The following KCNU1 variants were observed in gnomAD, a reference collection of about 807,000 sequenced individuals.
The protein encoded by KCNU1 is potassium channel subfamily U member 1.
A neutral mutation model predicts 126.8 loss-of-function variants in KCNU1; 93 were observed. That is an observed-to-expected ratio of 0.73 (90% CI 0.62 to 0.87). KCNU1 has a LOEUF of 0.87. KCNU1 is among the 40% of genes least tolerant of loss of function. The pLI is 0.00. For missense variants in KCNU1, 1,330 were observed against 1,367.1 expected, an observed-to-expected ratio of 0.97 and a Z score of 0.43; for synonymous variants, 523 against 494.2, an observed-to-expected ratio of 1.06 and a Z score of -0.77.
intron 2 of KCNU1, among the ~76,000 whole-genome samples, chr8:36,800,211 A>C (rs1053239166): frequency 2.0e-5 from 3 of 152,074 alleles, no homozygotes; most frequent in Admixed American, 1.3e-4. Context: ...GCACTTATCC[A>C]TGGTATGTTA....
intron 7 of KCNU1, among the ~76,000 whole-genome samples, chr8:36,813,349 G>A (rs1319954668): frequency 6.6e-6 from 1 of 151,810 alleles, no homozygotes; most frequent in African/African-American, 2.4e-5. Flanking sequence ...CCCCCAGTCA[G>A]ACATCTCTAA....
At chr8:36,793,017 T>C (rs973957061) in intron 2 of KCNU1, among the ~76,000 whole-genome samples, 1 of 152,150 alleles carries the variant, frequency 6.6e-6, no homozygotes, top group African/African-American at 2.4e-5. Flanking sequence ...TGGAATACTA[T>C]GCAGCCATAA....
At chr8:36,824,914 C>CT (rs1425994271) in intron 10 of KCNU1, among the ~76,000 whole-genome samples, 3 of 152,092 alleles carry the variant, frequency 2.0e-5, no homozygotes, top group Non-Finnish European at 4.4e-5. Flanking sequence ...CTCCCCTATA[C>CT]TTTGGCTATT....
chr8:36,887,255 A>T lies in KCNU1; in HGVS notation c.2010-18453A>T, dbSNP rs1319627012. Reference sequence around the variant, plus strand: ...TTCCATACAGATTGTACTAATTTACATTCCCACCAACCGTGTAGAAGCATT... The same window carrying T: ...TTCCATACAGATTGTACTAATTTACTTTCCCACCAACCGTGTAGAAGCATT... On this transcript the variant is annotated intron_variant, in intron 19 of 26. Coordinates refer to ENST00000399881, the MANE Select transcript of KCNU1 (RefSeq NM_001031836.3). Among the ~76,000 whole-genome samples, 4 of 152,158 alleles carry T rather than the reference A, an allele frequency of 2.6e-5. No homozygotes were observed. The South Asian group carries it at 8.3e-4, about 32-fold the overall frequency.
intron 7 of KCNU1, among the ~76,000 whole-genome samples, chr8:36,813,545 T>A (rs1332304797): frequency 4.0e-5 from 6 of 150,708 alleles, no homozygotes; most frequent in African/African-American, 1.2e-4. Flanking sequence ...TTATAAAAAA[T>A]TTATATATGA....
intron 23 of KCNU1, among the ~76,000 whole-genome samples, chr8:36,919,142 G>A (rs1357120389): frequency 6.6e-6 from 1 of 152,044 alleles, no homozygotes; most frequent in African/African-American, 2.4e-5. Flanking sequence ...CAGAGGGAGG[G>A]GGACCAGCAA....
intron 19 of KCNU1, among the ~76,000 whole-genome samples, chr8:36,882,263 G>A (rs951305704): frequency 6.6e-6 from 1 of 152,190 alleles, no homozygotes; most frequent in Non-Finnish European, 1.5e-5. Flanking sequence ...CAGGGCTGTG[G>A]AGGAATGTTT....
chr8:36,864,666 A>T, intron 19 of KCNU1, 145 bp downstream of exon 19: 1 of 614,070 alleles, frequency 1.6e-6, no homozygotes, highest in Non-Finnish European at 2.9e-6. Context: ...GATCATCTCC[A>T]CCTTGCCCAT....
chr8:36,929,652 A>G (rs1808639988), intron 24 of KCNU1, among the ~76,000 whole-genome samples: 1 of 152,144 alleles, frequency 6.6e-6, no homozygotes, highest in African/African-American at 2.4e-5. Context: ...GAGTTTCAGA[A>G]GCAAAGGCAT....
intron 22 of KCNU1, among the ~76,000 whole-genome samples, chr8:36,917,442 C>T (rs1356042456): frequency 2.6e-5 from 4 of 151,620 alleles, no homozygotes; most frequent in African/African-American, 7.3e-5. Flanking sequence ...CTCTGAACTC[C>T]TGGGCTCAAG....
At position 36,800,031 on chromosome 8, in the gene KCNU1, G is replaced by A. The variant is rs577643782; in HGVS notation, c.316-3996G>A. ...TTTCTTATCATTCCTTCTGATTGTA[G>A]GCTGCATTTATTTTATCAGTATAAT... On this transcript the variant is annotated intron_variant, in intron 2 of 26. Transcript: ENST00000399881. Among the ~76,000 whole-genome samples, 3 of 152,006 alleles carry A rather than the reference G, an allele frequency of 2.0e-5. No individual in the cohort carries two copies. The South Asian group carries it at 6.2e-4, about 32-fold the overall frequency.
intron 22 of KCNU1, among the ~76,000 whole-genome samples, chr8:36,915,066 C>G (rs560562950): frequency 1.3e-5 from 2 of 152,278 alleles, no homozygotes; most frequent in Admixed American, 1.3e-4. Context: ...GATTTTCATA[C>G]AGCTGCTTCA....
rs1191173650 is a variant in KCNU1 at position 36,866,939 on chromosome 8, A to T, written c.2009+2418A>T. 3.3e-5 allele frequency among the ~76,000 whole-genome samples: 5 copies of T among 152,308 alleles called. No homozygotes were observed. The East Asian group carries it at 9.6e-4, about 29-fold the overall frequency. On this transcript the variant is annotated intron_variant, in intron 19 of 26. Coordinates refer to ENST00000399881, the MANE Select transcript of KCNU1 (RefSeq NM_001031836.3). The stretch of plus-strand genomic sequence containing the variant: ...TGGATATTCTAAATACCCTGACTTG[A>T]TCATTACACATTCTACACACATATC...
At chr8:36,887,730 C>T (rs1806772402) in intron 19 of KCNU1, among the ~76,000 whole-genome samples, 1 of 152,164 alleles carries the variant, frequency 6.6e-6, no homozygotes, top group Admixed American at 6.5e-5. Flanking sequence ...ATCTTGAGGT[C>T]AGTGCTTGTT....
chr8:36,918,800 A>G (rs1808224312), intron 22 of KCNU1, 23 bp from the exon 23 acceptor site: 1 of 1,441,048 alleles, frequency 6.9e-7, no homozygotes, highest in Admixed American at 1.7e-5. Flanking sequence ...GTTTGCATTT[A>G]TCACCTCTTT....
chr8:36,805,131 G>A, intron 3 of KCNU1, 64 bp from the exon 4 acceptor site: 10 of 1,118,894 alleles, frequency 8.9e-6, no homozygotes, highest in Non-Finnish European at 1.3e-5. Flanking sequence ...CCCTTTAGTT[G>A]GTCTTATATA....
intron 18 of KCNU1, among the ~76,000 whole-genome samples, chr8:36,857,795 G>A (rs903706270): frequency 6.6e-6 from 1 of 151,896 alleles, no homozygotes; most frequent in African/African-American, 2.4e-5. Flanking sequence ...ACAGGCGCTT[G>A]CCACCACATG....
chr8:36,808,874 G>A, intron 7 of KCNU1, 81 bp downstream of exon 7: 1 of 966,722 alleles, frequency 1.0e-6, no homozygotes, highest in Admixed American at 2.0e-5. Context: ...AACCTGCTGA[G>A]CCCCTGTCTC....
At chr8:36,807,590 T>G (rs891711125) in intron 6 of KCNU1, 140 bp downstream of exon 6, 16 of 675,080 alleles carry the variant, frequency 2.4e-5, no homozygotes, top group Non-Finnish European at 4.2e-5. Context: ...GCCAAAATAT[T>G]ATTTGTTCAC....
Sources: gnomAD v4.1 joint callset for allele counts (sites outside exome capture counted in the v4.1 genomes callset) on GRCh38, gnomAD v4.1.1 for gene constraint, MANE v1.5 for transcripts, NCBI Gene and HGNC (gene_info 2026-07-23, HGNC 2026-07-21) for gene names.